The following IL2RA variants were observed in gnomAD, a reference collection of about 807,000 sequenced individuals.
The protein encoded by IL2RA is interleukin-2 receptor subunit alpha.
In IL2RA, 24 loss-of-function variants were observed where a neutral mutation model predicts 37.8. The observed-to-expected ratio is 0.63, with a 90% confidence interval of 0.46 to 0.89. IL2RA has a LOEUF of 0.89. Ranked by LOEUF, IL2RA falls within the 40% of genes least tolerant of loss-of-function variation. The probability of loss-of-function intolerance (pLI) is 0.00; values close to 1 mark genes in which losing one functional copy is unlikely to be tolerated. For missense variants in IL2RA, 319 were observed against 348.6 expected (o/e 0.92, Z 0.68); for synonymous variants, 125 against 114.6 (o/e 1.09, Z -0.58).
At position 6,018,301 on chromosome 10, in the gene IL2RA, G is replaced by C. The variant is rs1190157472; in HGVS notation, c.728-182C>G. On this transcript the variant is annotated intron_variant, in intron 6 of 7. Transcript: ENST00000379959. This position sits in a 1 kb window ranked among gnomAD's most constrained non-coding sequence, Gnocchi z 5.1. ...GATTTCCTAGGAGTCTTGAGGAACA[G>C]GGCAGGGAGGACAGGGTGAGGGTGG... 6.6e-6 allele frequency among the ~76,000 whole-genome samples: 1 copy of C among 152,180 alleles called. No individual in the cohort carries two copies. Among genetic ancestry groups the C allele is most frequent in the Non-Finnish European group, 1.5e-5 (1 of 68,028 alleles).
At chr10:6,040,471 AT>A (rs1168833580) in intron 1 of IL2RA, among the ~76,000 whole-genome samples, 2 of 152,196 alleles carry the variant, frequency 1.3e-5, no homozygotes, top group African/African-American at 4.8e-5. Context: ...ATTTCCAGTC[AT>A]TTTTGATGGT....
At chr10:6,041,814 T>C (rs1280790931) in intron 1 of IL2RA, among the ~76,000 whole-genome samples, 1 of 152,124 alleles carries the variant, frequency 6.6e-6, no homozygotes, top group Non-Finnish European at 1.5e-5. Flanking sequence ...ATAGCTTTAG[T>C]AACAGGAGAA....
intron 1 of IL2RA, among the ~76,000 whole-genome samples, chr10:6,026,271 G>C (rs1471365242): frequency 2.0e-5 from 3 of 152,172 alleles, no homozygotes; most frequent in East Asian, 1.9e-4. Flanking sequence ...AACTAGATGA[G>C]TAGAAATTAA....
rs706778 is a variant in IL2RA at position 6,056,986 on chromosome 10, C to T, written c.64+5102G>A. On this transcript the variant is annotated intron_variant, in intron 1 of 7. Coordinates refer to ENST00000379959, the MANE Select transcript of IL2RA (RefSeq NM_000417.3). The surrounding 1 kb of genome is among the most constrained non-coding windows in gnomAD (Gnocchi z 5.0). ...TGGGGCCTCTCTCCCTGGAATGTCA[C>T]TGATGGAAATTTACCAGTCCCTCAG... Among the ~76,000 whole-genome samples the T allele has an allele frequency of 0.46, 70,116 of 151,914 alleles. 16,536 individuals carry two copies. The highest frequency in any genetic ancestry group is 0.57 in the East Asian group (2,911 of 5,146).
Position 6,028,105 on chromosome 10 carries a change from C to G in IL2RA, c.65-2080G>C, listed in dbSNP as rs1344154180. Among the ~76,000 whole-genome samples the G allele has an allele frequency of 6.6e-6, 1 of 152,158 alleles. No homozygotes were observed. Among genetic ancestry groups the G allele is most frequent in the African/African-American group, 2.4e-5 (1 of 41,448 alleles). The stretch of plus-strand genomic sequence containing the variant: ...GAGGGAAACACGTGAGAGGCGCCCA[C>G]AGTTGCCCTGGCTTCCTTCCTGGGG... On this transcript the variant is annotated intron_variant, in intron 1 of 7. Coordinates refer to ENST00000379959, the MANE Select transcript of IL2RA (RefSeq NM_000417.3). This position sits in a 1 kb window ranked among gnomAD's most constrained non-coding sequence, Gnocchi z 4.1.
In IL2RA at chr10:6,020,585, G is replaced by T. The variant is rs1397252268; in HGVS notation, c.584-644C>A. Reference sequence around the variant, plus strand: ...GAGTCTTGCTGTTGCCCAGGCTGGAGTGCAGTGGTGTGATCTCAGCTCACT... The same window carrying T: ...GAGTCTTGCTGTTGCCCAGGCTGGATTGCAGTGGTGTGATCTCAGCTCACT... On this transcript the variant is annotated intron_variant, in intron 4 of 7. Transcript: ENST00000379959. The surrounding 1 kb of genome is among the most constrained non-coding windows in gnomAD (Gnocchi z 5.6). Among the ~76,000 whole-genome samples the T allele has an allele frequency of 6.6e-6, 1 of 151,954 alleles. No individual in the cohort carries two copies. Among genetic ancestry groups the T allele is most frequent in the Non-Finnish European group, 1.5e-5 (1 of 67,988 alleles).
chr10:6,051,517 A>AT (rs1206402104), intron 1 of IL2RA, among the ~76,000 whole-genome samples: 30 of 100,852 alleles, frequency 3.0e-4, no homozygotes, highest in African/African-American at 1.1e-3. Context: ...ATATATATAT[A>AT]TTTTTTTTCT....
In IL2RA at chr10:6,029,357, G is replaced by A. The variant is rs1476520180; in HGVS notation, c.65-3332C>T. 6.6e-6 allele frequency among the ~76,000 whole-genome samples: 1 copy of A among 151,886 alleles called. No individual in the cohort carries two copies. The highest frequency in any genetic ancestry group is 1.5e-5 in the Non-Finnish European group (1 of 67,994). On this transcript the variant is annotated intron_variant, in intron 1 of 7. Transcript: ENST00000379959. The surrounding 1 kb of genome is among the most constrained non-coding windows in gnomAD (Gnocchi z 4.6). ...TTTTTGTGTTTTTAGTAGAGATGAGGTTTCACCACGTTTGCCAGGCTGGTC... is the reference window on the plus strand; with the variant it reads ...TTTTTGTGTTTTTAGTAGAGATGAGATTTCACCACGTTTGCCAGGCTGGTC...
chr10:6,013,662 G>A lies in IL2RA; in HGVS notation c.795-766C>T, dbSNP rs187381761. Among the ~76,000 whole-genome samples the A allele has an allele frequency of 9.2e-5, 14 of 152,240 alleles. No homozygotes were observed. In the South Asian group the frequency reaches 1.2e-3, roughly 14 times the overall value. On this transcript the variant is annotated intron_variant, in intron 7 of 7. Transcript: ENST00000379959. ...ATCACGCGGTTGGGAAGAGATGCGC[G>A]GTAGCCACCGTCAAACGGTATTTCC...
rs1468163466 is a variant in IL2RA, at chr10:6,044,390, T to G, written c.64+17698A>C. Among the ~76,000 whole-genome samples, 1 of 152,244 alleles carries G rather than the reference T, an allele frequency of 6.6e-6. No homozygotes were observed. The highest frequency in any genetic ancestry group is 6.5e-5 in the Admixed American group (1 of 15,286). ...AGAGAGTAGTAGGTCAGGGCAGTTT[T>G]GCATTCATATTTATATCTGCTTTTA... is the stretch of plus-strand genomic sequence containing the variant. On this transcript the variant is annotated intron_variant, in intron 1 of 7. Coordinates refer to ENST00000379959, the MANE Select transcript of IL2RA (RefSeq NM_000417.3). This position sits in a 1 kb window ranked among gnomAD's most constrained non-coding sequence, Gnocchi z 4.5.
intron 3 of IL2RA, among the ~76,000 whole-genome samples, chr10:6,023,424 C>G (rs373259146): frequency 6.6e-6 from 1 of 152,312 alleles, no homozygotes; most frequent in East Asian, 1.9e-4. Context: ...CAACCTCCAC[C>G]TCCTGATTTC....
rs999005426 is a variant in IL2RA at position 6,046,714 on chromosome 10, G to T, written c.64+15374C>A. Among the ~76,000 whole-genome samples, 1 of 152,314 alleles carries T rather than the reference G, an allele frequency of 6.6e-6. No individual in the cohort carries two copies. Among genetic ancestry groups the T allele is most frequent in the Non-Finnish European group, 1.5e-5 (1 of 68,024 alleles). On this transcript the variant is annotated intron_variant, in intron 1 of 7. Coordinates refer to ENST00000379959, the MANE Select transcript of IL2RA (RefSeq NM_000417.3). This position sits in a 1 kb window ranked among gnomAD's most constrained non-coding sequence, Gnocchi z 4.8. ...TCCAGAGTTCCTTGAAAGCATTGGT[G>T]CTCAACTATCCCTGCCTTAACACAA...
intron 1 of IL2RA, among the ~76,000 whole-genome samples, chr10:6,027,183 G>T (rs540151143): frequency 1.3e-5 from 2 of 152,200 alleles, no homozygotes; most frequent in East Asian, 1.9e-4. Flanking sequence ...AAAATTAGCC[G>T]GGCGTGGTGG....
Position 6,012,484 on chromosome 10 carries a change from A to G in IL2RA, c.*388T>C. On this transcript the variant is annotated 3_prime_UTR_variant, in exon 8 of 8. Transcript: ENST00000379959. The surrounding 1 kb of genome is among the most constrained non-coding windows in gnomAD (Gnocchi z 4.8). ...CTGGGGCTTTCCTTGGGACTCCTGA[A>G]CTGGGAAGTTGGAATGAGATGAATG... 6.7e-6 allele frequency: 2 copies of G among 300,044 alleles called. No homozygotes were observed. Among genetic ancestry groups the G allele is most frequent in the Non-Finnish European group, 1.3e-5 (2 of 155,598 alleles). 18.6% of individuals were successfully genotyped at this position (300,044 alleles called of 1,614,324 possible).
rs921936286 is a variant in IL2RA at position 6,026,000 on chromosome 10, C to T, written c.90G>A (p.Glu30=). The change falls in exon 2 of 8, where the codon GAG becomes GAA. Residue 30 remains glutamate, a synonymous_variant. Coordinates refer to ENST00000379959, the MANE Select transcript of IL2RA (RefSeq NM_000417.3). This position sits in a 1 kb window ranked among gnomAD's most constrained non-coding sequence, Gnocchi z 4.4. ...TGGCTTTGAATGTGGCGTGTGGGAT[C>T]TCTGGCGGGTCATCGTCACAGAGCT... The part of the protein sequence containing the change: ...QAELCDDDPP[E]IPHATFKAMA... 5 of 1,613,300 alleles carry T rather than the reference C, an allele frequency of 3.1e-6. No homozygotes were observed. The African/African-American group carries it at 6.7e-5, about 22-fold the overall frequency.
Position 6,022,450 on chromosome 10 carries a change from C to T in IL2RA, c.368-757G>A, listed in dbSNP as rs1292057413. On this transcript the variant is annotated intron_variant, in intron 3 of 7. Coordinates refer to ENST00000379959, the MANE Select transcript of IL2RA (RefSeq NM_000417.3). The surrounding 1 kb of genome is among the most constrained non-coding windows in gnomAD (Gnocchi z 4.7). ...ATTAAATCTCTGAATTCCCCACCCA[C>T]AGCCCCCAACCTGGACATATGGAAT... Among the ~76,000 whole-genome samples the T allele has an allele frequency of 2.0e-5, 3 of 152,228 alleles. No individual in the cohort carries two copies. Among genetic ancestry groups the T allele is most frequent in the Non-Finnish European group, 4.4e-5 (3 of 68,036 alleles).
rs529012548 is a variant in IL2RA at position 6,022,794 on chromosome 10, T to C, written c.368-1101A>G. Among the ~76,000 whole-genome samples, 1 of 113,502 alleles carries C rather than the reference T, an allele frequency of 8.8e-6. No homozygotes were observed. Among genetic ancestry groups the C allele is most frequent in the Admixed American group, 9.4e-5 (1 of 10,614 alleles). 74.5% of individuals were successfully genotyped at this position (113,502 alleles called of 152,430 possible). A position where few individuals can be genotyped will look rare whatever the true frequency, so the allele number is the denominator to read the frequency against. ...ACTGAGACAATCTTTGAAACATCCC[T>C]CAGGCAGAGCCAGCCTTCGAGAAAG... On this transcript the variant is annotated intron_variant, in intron 3 of 7. Transcript: ENST00000379959. The surrounding 1 kb of genome is among the most constrained non-coding windows in gnomAD (Gnocchi z 4.7).
chr10:6,037,716 C>G (rs371457116), intron 1 of IL2RA, among the ~76,000 whole-genome samples: 10 of 152,236 alleles, frequency 6.6e-5, no homozygotes, highest in African/African-American at 1.4e-4. Context: ...TCACTGCCCC[C>G]CTGTGGCCCC....
rs1839394283 is a variant in IL2RA at position 6,021,885 on chromosome 10, G to A, written c.368-192C>T. Among the ~76,000 whole-genome samples the A allele has an allele frequency of 6.6e-6, 1 of 152,154 alleles. No individual in the cohort carries two copies. ...GCTAGGCCCTGTAGGAAGGCACGAA[G>A]ACCCTGTCACTCCTGCAAGGGGTGG... On this transcript the variant is annotated intron_variant, in intron 3 of 7. Transcript: ENST00000379959. The surrounding 1 kb of genome is among the most constrained non-coding windows in gnomAD (Gnocchi z 4.9).
Sources: allele counts gnomAD v4.1 joint callset (sites outside exome capture counted in the v4.1 genomes callset), GRCh38; gene constraint gnomAD v4.1.1; non-coding constraint Gnocchi (gnomAD v3.1); transcripts MANE v1.5; gene names NCBI Gene and HGNC (gene_info 2026-07-23, HGNC 2026-07-21).